Variants in HEATR1 observed in about 807,000 individuals in gnomAD.
HEATR1 encodes the protein HEAT repeat containing 1.
A neutral mutation model predicts 248.2 loss-of-function variants in HEATR1; 77 were observed. That is an observed-to-expected ratio of 0.31 (90% confidence interval 0.26 to 0.37). The LOEUF is 0.37. HEATR1 is among the 10% of genes least tolerant of loss of function. The probability of loss-of-function intolerance (pLI) is 1.00; values close to 1 mark genes in which losing one functional copy is unlikely to be tolerated. For synonymous variants in HEATR1, 897 were observed against 923.1 expected, an observed-to-expected ratio of 0.97 and a Z score of 0.51; for missense variants, 2,420 against 2,504.9, an observed-to-expected ratio of 0.97 and a Z score of 0.72.
rs1663259524 is a variant in HEATR1 at position 236,566,049 on chromosome 1, T to C, written c.4309-4A>G. On this transcript the variant is annotated splice_region_variant and splice_polypyrimidine_tract_variant and intron_variant, in intron 30 of 44. Transcript: ENST00000366582. The stretch of plus-strand genomic sequence containing the variant: ...TGTCTGCTTCTAAAATAGCATCCTG[T>C]GTAGAAAAAGAAAAAGGTAACAAAT... The C allele has an allele frequency of 3.1e-6, 5 of 1,610,918 alleles. No individual in the cohort carries two copies. The highest frequency in any genetic ancestry group is 4.2e-6 in the Non-Finnish European group (5 of 1,179,110).
At chr1:236,573,493 G>A (rs1212463951) in intron 24 of HEATR1, among the ~76,000 whole-genome samples, 1 of 151,734 alleles carries the variant, frequency 6.6e-6, no homozygotes, top group Admixed American at 6.6e-5. Context: ...GATAACCATG[G>A]AAATATGATT....
intron 34 of HEATR1, 32 bp downstream of exon 34, chr1:236,559,682 A>G: frequency 6.4e-7 from 1 of 1,564,904 alleles, no homozygotes; most frequent in Non-Finnish European, 8.7e-7. Flanking sequence ...ACAGCAACAA[A>G]ACAGTAATTC....
chr1:236,586,969 TG>T (rs1454161325), intron 14 of HEATR1, among the ~76,000 whole-genome samples: 14 of 152,296 alleles, frequency 9.2e-5, no homozygotes, highest in Admixed American at 6.5e-4. Context: ...CAAAAAGCTT[TG>T]GTGCCAAAAA....
chr1:236,569,814 C>T (rs1051811031), intron 28 of HEATR1, among the ~76,000 whole-genome samples: 1 of 152,172 alleles, frequency 6.6e-6, no homozygotes, highest in African/African-American at 2.4e-5. Flanking sequence ...AACATGTCCA[C>T]ACAAAACCAT....
intron 43 of HEATR1, 46 bp downstream of exon 43, chr1:236,553,535 T>C (rs771424896): frequency 1.3e-6 from 2 of 1,589,500 alleles, no homozygotes; most frequent in Non-Finnish European, 1.7e-6. Flanking sequence ...GTTTAGGCTA[T>C]GCAGTGAAAA....
intron 2 of HEATR1, 30 bp downstream of exon 2, chr1:236,603,924 A>G (rs574836899): frequency 6.3e-7 from 1 of 1,580,866 alleles, no homozygotes; most frequent in South Asian, 1.2e-5. Context: ...AACGCTTCCA[A>G]GAGCTTTTCT....
intron 25 of HEATR1, 39 bp from the exon 26 acceptor site, chr1:236,572,593 T>C (rs773847902): frequency 6.2e-7 from 1 of 1,612,054 alleles, no homozygotes; most frequent in South Asian, 1.1e-5. Flanking sequence ...AAAAGCAAAC[T>C]CTATCATGTG....
chr1:236,571,565 T>C lies in HEATR1; in HGVS notation c.3826+3A>G. The C allele has an allele frequency of 1.2e-6, 2 of 1,612,980 alleles. No individual in the cohort carries two copies. The highest frequency in any genetic ancestry group is 8.5e-7 in the Non-Finnish European group (1 of 1,179,186). On this transcript the variant is annotated splice_donor_region_variant and intron_variant, in intron 27 of 44. Transcript: ENST00000366582. The stretch of plus-strand genomic sequence containing the variant: ...CTAACCTTTCCTTCCAAAAAGTACC[T>C]ACCTTTGGGTATTTTGCCACCATCT...
intron 20 of HEATR1, among the ~76,000 whole-genome samples, chr1:236,579,790 C>T (rs1663660098): frequency 6.6e-6 from 1 of 151,926 alleles, no homozygotes; most frequent in African/African-American, 2.4e-5. Context: ...TTAAATGTAA[C>T]AAAATTTGGT....
rs766208942 is a variant in HEATR1, at chr1:236,586,387, T to G, written c.1781A>C (p.Gln594Pro). 4 of 1,613,346 alleles carry G rather than the reference T, an allele frequency of 2.5e-6. No individual in the cohort carries two copies. The East Asian group carries it at 6.7e-5, about 27-fold the overall frequency. Reference protein sequence around the residue: ...IKEEILSENDQLSNQVVVCLL... With the variant: ...IKEEILSENDPLSNQVVVCLL... The stretch of plus-strand genomic sequence containing the variant: ...ACATACAACCACCTGATTTGACAAC[T>G]GATCATTTTCACTCAGTATCTCTTC... Residue 594 changes from glutamine to proline, a missense_variant, in exon 15 of 45, where the codon CAG becomes CCG. By Grantham distance (76) the Gln-to-Pro change is moderately conservative. Transcript: ENST00000366582.
In HEATR1 at chr1:236,556,207, T is replaced by C. The variant is rs898228775; in HGVS notation, c.5407A>G (p.Asn1803Asp). Residue 1803 changes from asparagine (N) to aspartate (D), a missense_variant, in exon 38 of 45, where the codon AAT becomes GAT. Asn to Asp is a conservative substitution (Grantham distance 23). Coordinates refer to ENST00000366582, the MANE Select transcript of HEATR1 (RefSeq NM_018072.6). Reference sequence around the variant, plus strand: ...TTTTTAAGAGATGTGAGACGGATATTAGCCTGTGACGCAGAACCCATTTCA... The same window carrying C: ...TTTTTAAGAGATGTGAGACGGATATCAGCCTGTGACGCAGAACCCATTTCA... ...TSEMGSASQA[N>D]IRLTSLKKTL... 3 of 1,613,954 alleles carry C rather than the reference T, an allele frequency of 1.9e-6. No individual in the cohort carries two copies. Among genetic ancestry groups the C allele is most frequent in the African/African-American group, 2.7e-5 (2 of 74,890 alleles).
At chr1:236,571,062 T>C (rs1019873952) in intron 28 of HEATR1, among the ~76,000 whole-genome samples, 2 of 152,254 alleles carry the variant, frequency 1.3e-5, no homozygotes, top group Non-Finnish European at 2.9e-5. Context: ...AGATAGATAG[T>C]GTGCCAGGTA....
Position 236,549,114 on chromosome 1 carries a change from G to A in HEATR1, c.*1788C>T, listed in dbSNP as rs1436832613. 2 of 397,448 alleles carry A rather than the reference G, an allele frequency of 5.0e-6. No homozygotes were observed. Among genetic ancestry groups the A allele is most frequent in the African/African-American group, 2.1e-5 (1 of 48,610 alleles). 24.6% of individuals were successfully genotyped at this position (397,448 alleles called of 1,614,324 possible). ...GTACGCCAACTAAGGGACCCACAAA[G>A]CAGGCAGAGGTAATGCAGAAATCTG... is the stretch of plus-strand genomic sequence containing the variant. On this transcript the variant is annotated 3_prime_UTR_variant, in exon 45 of 45. Coordinates refer to ENST00000366582, the MANE Select transcript of HEATR1 (RefSeq NM_018072.6).
rs5781902 is a variant in HEATR1 at position 236,603,878 on chromosome 1, A to AG, written c.142+75dup. ...AGAGGACGGGACAGAAGAGAAAACAAGGGGAAAAAAAAAAAACAGTAACAT... is the reference window on the plus strand; with the variant it reads ...AGAGGACGGGACAGAAGAGAAAACAAGGGGGAAAAAAAAAAAACAGTAACAT... On this transcript the variant is annotated intron_variant, in intron 2 of 44. Transcript: ENST00000366582. 10 of 1,364,938 alleles carry AG rather than the reference A, an allele frequency of 7.3e-6. No individual in the cohort carries two copies. In the African/African-American group the frequency reaches 1.4e-4, roughly 19 times the overall value. 84.6% of individuals were successfully genotyped at this position (1,364,938 alleles called of 1,614,324 possible).
chr1:236,579,927 TA>T (rs764327680), intron 20 of HEATR1, among the ~76,000 whole-genome samples: 8 of 94,880 alleles, frequency 8.4e-5, no homozygotes, highest in African/African-American at 1.7e-4. Context: ...ATTTTGGAAT[TA>T]AAAAAAAAAC....
chr1:236,552,693 T>C (rs191101450), intron 43 of HEATR1: 6 of 152,270 alleles, frequency 3.9e-5, no homozygotes, highest in African/African-American at 1.2e-4. Context: ...AAGCAAGCAG[T>C]AGTTGGGTAT....
chr1:236,569,305 A>G (rs1278798332), intron 28 of HEATR1, among the ~76,000 whole-genome samples, 181 bp from the exon 29 acceptor site: 4 of 152,148 alleles, frequency 2.6e-5, no homozygotes. Flanking sequence ...CCTCCTGAGT[A>G]GCTAGGACTA....
intron 31 of HEATR1, 152 bp from the exon 32 acceptor site, chr1:236,564,813 T>C: frequency 1.4e-6 from 1 of 724,506 alleles, no homozygotes; most frequent in Non-Finnish European, 2.1e-6. Flanking sequence ...TTTCTCCTCT[T>C]CTAAATTAGT....
rs181685049 is a variant in HEATR1 at position 236,570,063 on chromosome 1, C to A, written c.3949-939G>T. ...CAGCACTTTGGGAGGCCGAGGCGGG[C>A]GGATCATGACATCAGGAGATCGAGA... On this transcript the variant is annotated intron_variant, in intron 28 of 44. Coordinates refer to ENST00000366582, the MANE Select transcript of HEATR1 (RefSeq NM_018072.6). Among the ~76,000 whole-genome samples the A allele has an allele frequency of 4.1e-3, 627 of 152,108 alleles. 4 individuals are homozygous for A. The highest frequency in any genetic ancestry group is 0.014 in the African/African-American group (599 of 41,476).
Sources: gnomAD v4.1 joint callset for allele counts (sites outside exome capture counted in the v4.1 genomes callset) on GRCh38, gnomAD v4.1.1 for gene constraint, MANE v1.5 for transcripts, NCBI Gene and HGNC (gene_info 2026-07-23, HGNC 2026-07-21) for gene names.